Variants in NAV3 observed in about 807,000 individuals in gnomAD.
NAV3 encodes the protein pore membrane and/or filament interacting like protein 1.
In NAV3, 87 loss-of-function variants were observed where a neutral mutation model predicts 244.7. The observed-to-expected ratio is 0.36, with a 90% confidence interval of 0.30 to 0.42. The LOEUF (loss-of-function observed/expected upper bound fraction) is 0.42, where lower values mean the gene tolerates loss of function less well. Among genes scored for constraint, NAV3 ranks in the 20% least tolerant of loss-of-function variants. NAV3 has a pLI of 1.00. For missense variants in NAV3, 2,663 were observed against 2,893.3 expected (o/e 0.92, Z 1.83); for synonymous variants, 1,126 against 1,042.2 (o/e 1.08, Z -1.55).
chr12:78,050,286 C>T (rs938655027), intron 10 of NAV3, among the ~76,000 whole-genome samples, 185 bp downstream of exon 10: 2 of 152,090 alleles, frequency 1.3e-5, no homozygotes, highest in African/African-American at 2.4e-5. Context: ...ACCTATTTAT[C>T]TTTTATCTCT....
At chr12:77,626,031 T>A (rs1297046497) in intron 2 of NAV3, among the ~76,000 whole-genome samples, 2 of 151,778 alleles carry the variant, frequency 1.3e-5, no homozygotes, top group African/African-American at 4.8e-5. Flanking sequence ...AGAACACAGA[T>A]AAATAATGCA....
intron 2 of NAV3, among the ~76,000 whole-genome samples, chr12:77,657,363 T>C (rs1873168865): frequency 6.6e-6 from 1 of 152,036 alleles, no homozygotes; most frequent in South Asian, 2.1e-4. Flanking sequence ...CTAGAAGAAA[T>C]GGATAAATTC....
intron 2 of NAV3, among the ~76,000 whole-genome samples, chr12:77,754,155 G>A (rs1248946349): frequency 6.6e-6 from 1 of 151,978 alleles, no homozygotes; most frequent in Non-Finnish European, 1.5e-5. Flanking sequence ...ATAATAATGA[G>A]CGAACCTTTC....
chr12:77,690,144 G>T (rs1472642129), intron 2 of NAV3, among the ~76,000 whole-genome samples: 3 of 151,728 alleles, frequency 2.0e-5, no homozygotes, highest in Non-Finnish European at 4.4e-5. Flanking sequence ...CTGAAAAAAT[G>T]CAGATTTTCA....
At chr12:78,083,060 A>C (rs184563823) in intron 12 of NAV3, among the ~76,000 whole-genome samples, 3 of 152,362 alleles carry the variant, frequency 2.0e-5, no homozygotes, top group Non-Finnish European at 4.4e-5. Context: ...AAAGAAATTC[A>C]CATCTTAGAG....
Position 78,185,622 on chromosome 12 carries a change from G to A in NAV3, c.5714G>A (p.Gly1905Asp), listed in dbSNP as rs1958680122. The A allele has an allele frequency of 6.2e-7, 1 of 1,608,222 alleles. No individual in the cohort carries two copies. The highest frequency in any genetic ancestry group is 8.5e-7 in the Non-Finnish European group (1 of 1,177,224). Residue 1905 changes from glycine (G) to aspartate (D), a missense_variant, in exon 31 of 40, where the codon GGT (glycine) becomes GAT (aspartate). Gly to Asp is a moderately conservative substitution (Grantham distance 94, BLOSUM62 -1). Coordinates refer to ENST00000397909, the MANE Select transcript of NAV3 (RefSeq NM_001024383.2). Reference sequence around the variant, plus strand: ...ATAGATATTTTGCTAGATGATGCTGGTGATGCAACTGGACATAAAGATGGC... The same window carrying A: ...ATAGATATTTTGCTAGATGATGCTGATGATGCAACTGGACATAAAGATGGC... ...VSSDILLDDA[G>D]DATGHKDGRS...
At chr12:77,979,431 A>G (rs529021157) in intron 5 of NAV3, among the ~76,000 whole-genome samples, 45 of 152,116 alleles carry the variant, frequency 3.0e-4, no homozygotes, top group African/African-American at 1.1e-3. Flanking sequence ...TAAAAAAGCT[A>G]TAATGATTAT....
At chr12:77,923,824 G>A (rs1887937485) in intron 1 of NAV3, among the ~76,000 whole-genome samples, 1 of 152,136 alleles carries the variant, frequency 6.6e-6, no homozygotes, top group South Asian at 2.1e-4. Flanking sequence ...GGAGTTACTA[G>A]TGATGAAGAG....
chr12:77,952,732 TATAAATAAGAA>T (rs1891019801), intron 3 of NAV3, among the ~76,000 whole-genome samples: 1 of 152,146 alleles, frequency 6.6e-6, no homozygotes, highest in Admixed American at 6.6e-5. Context: ...AAACTTGCAA[TATAAATAAGAA>T]TTATTCTTCA....
intron 2 of NAV3, among the ~76,000 whole-genome samples, chr12:77,752,780 C>T (rs1407481880): frequency 2.0e-5 from 3 of 152,138 alleles, no homozygotes; most frequent in African/African-American, 7.2e-5. Context: ...GACAGAGTAT[C>T]ATGCTCCTCT....
At chr12:78,058,920 C>T in intron 11 of NAV3, 76 bp from the exon 12 acceptor site, 1 of 1,300,450 alleles carries the variant, frequency 7.7e-7, no homozygotes, top group South Asian at 1.8e-5. Flanking sequence ...ATTGTGGACA[C>T]CGTTTGTTTA....
chr12:78,166,739 A>G (rs1215728971), intron 23 of NAV3, among the ~76,000 whole-genome samples: 2 of 151,738 alleles, frequency 1.3e-5, no homozygotes, highest in Non-Finnish European at 3.0e-5. Context: ...TATCTTTTTG[A>G]AAACAGGTTT....
intron 12 of NAV3, among the ~76,000 whole-genome samples, chr12:78,081,488 GGATGCTCCTCCGAGCTT>G (rs1953350256): frequency 6.6e-6 from 1 of 152,150 alleles, no homozygotes; most frequent in Non-Finnish European, 1.5e-5. Flanking sequence ...GCTGTGCTGT[GGATGCTCCTCCGAGCTT>G]GAGTCAGCTG....
At chr12:77,784,462 C>A (rs191011976) in intron 2 of NAV3, among the ~76,000 whole-genome samples, 1 of 152,166 alleles carries the variant, frequency 6.6e-6, no homozygotes, top group African/African-American at 2.4e-5. Flanking sequence ...GATTGAAAGA[C>A]TGTGAAATTG....
intron 12 of NAV3, among the ~76,000 whole-genome samples, chr12:78,071,211 C>G (rs1182262599): frequency 6.6e-6 from 1 of 152,112 alleles, no homozygotes; most frequent in Admixed American, 6.5e-5. Context: ...ATCTCCAGCA[C>G]CTGCTGTTTC....
intron 2 of NAV3, among the ~76,000 whole-genome samples, chr12:77,714,426 T>C (rs1054648652): frequency 2.0e-5 from 3 of 152,126 alleles, no homozygotes; most frequent in Non-Finnish European, 4.4e-5. Context: ...TAGATCTGGT[T>C]CCTGATCTGT....
intron 2 of NAV3, among the ~76,000 whole-genome samples, chr12:77,611,674 C>CTA (rs998709445): frequency 5.9e-5 from 9 of 151,302 alleles, no homozygotes; most frequent in Non-Finnish European, 1.0e-4. Flanking sequence ...TAGAATCATG[C>CTA]TATATATATA....
intron 1 of NAV3, among the ~76,000 whole-genome samples, chr12:77,843,202 T>C (rs975822516): frequency 1.3e-5 from 2 of 152,234 alleles, no homozygotes; most frequent in Non-Finnish European, 1.5e-5. Context: ...CACTTGTGTG[T>C]TGCCTTCCTC....
chr12:77,799,041 A>G (rs1020590177), intron 2 of NAV3, among the ~76,000 whole-genome samples: 1 of 152,168 alleles, frequency 6.6e-6, no homozygotes, highest in African/African-American at 2.4e-5. Flanking sequence ...CCTTGCTCAC[A>G]TGTATGGCAG....
Sources: allele counts gnomAD v4.1 joint callset (sites outside exome capture counted in the v4.1 genomes callset), GRCh38; gene constraint gnomAD v4.1.1; transcripts MANE v1.5; gene names NCBI Gene and HGNC (gene_info 2026-07-23, HGNC 2026-07-21).